Variants in AUTS2 observed in about 807,000 individuals in gnomAD.
AUTS2 encodes the protein autism susceptibility gene 2 protein.
A neutral mutation model predicts 112.4 loss-of-function variants in AUTS2; 17 were observed. The observed-to-expected ratio is 0.15, with a 90% CI of 0.10 to 0.23. The LOEUF is 0.23. Among genes scored for constraint, AUTS2 ranks in the 10% least tolerant of loss-of-function variants. The pLI is 1.00. For missense variants in AUTS2, 1,510 were observed against 1,701.6 expected, an observed-to-expected ratio of 0.89 and a Z score of 1.98; for synonymous variants, 751 against 702.7, an observed-to-expected ratio of 1.07 and a Z score of -1.09.
intron 4 of AUTS2, among the ~76,000 whole-genome samples, chr7:70,177,613 C>T (rs539066181): frequency 6.6e-6 from 1 of 152,212 alleles, no homozygotes; most frequent in South Asian, 2.1e-4. Flanking sequence ...TATTTTACAG[C>T]TAGTGATAAT....
At chr7:69,666,597 A>G (rs1032897310) in intron 1 of AUTS2, among the ~76,000 whole-genome samples, 2 of 152,194 alleles carry the variant, frequency 1.3e-5, no homozygotes, top group African/African-American at 4.8e-5. Context: ...AAGAGGAATC[A>G]TGCGTATGGT....
intron 2 of AUTS2, among the ~76,000 whole-genome samples, chr7:70,035,682 GA>G (rs956955254): frequency 7.7e-4 from 118 of 152,260 alleles, no homozygotes; most frequent in African/African-American, 2.7e-3. Flanking sequence ...CATGAAATAA[GA>G]GAATGGAACC....
intron 4 of AUTS2, among the ~76,000 whole-genome samples, chr7:70,267,886 A>G (rs147663104): frequency 6.6e-6 from 1 of 152,352 alleles, no homozygotes; most frequent in East Asian, 1.9e-4. Flanking sequence ...CACTTGCAAC[A>G]TGCAGACTGT....
intron 2 of AUTS2, among the ~76,000 whole-genome samples, chr7:70,067,907 A>G (rs551884313): frequency 6.6e-6 from 1 of 152,030 alleles, no homozygotes; most frequent in East Asian, 1.9e-4. Context: ...AATACCCAAC[A>G]TCATGCAAAT....
At chr7:70,089,740 G>A (rs1423785498) in intron 2 of AUTS2, among the ~76,000 whole-genome samples, 5 of 152,074 alleles carry the variant, frequency 3.3e-5, no homozygotes, top group Non-Finnish European at 7.3e-5. Context: ...CGGGAGCAGT[G>A]TCTCACGCCT....
At chr7:70,302,171 G>C (rs1037530663) in intron 4 of AUTS2, among the ~76,000 whole-genome samples, 2 of 152,176 alleles carry the variant, frequency 1.3e-5, no homozygotes, top group Admixed American at 6.5e-5. Flanking sequence ...AGCACTTTGG[G>C]AGGCCAACGT....
intron 1 of AUTS2, among the ~76,000 whole-genome samples, chr7:69,725,710 T>C (rs1240694126): frequency 2.0e-5 from 3 of 152,042 alleles, no homozygotes; most frequent in African/African-American, 7.2e-5. Context: ...TGGTCAGACT[T>C]GAGGGGAAGG....
intron 4 of AUTS2, among the ~76,000 whole-genome samples, chr7:70,154,797 T>G (rs1376727692): frequency 6.6e-6 from 1 of 152,214 alleles, no homozygotes; most frequent in Admixed American, 6.5e-5. Context: ...TGGATCAGCC[T>G]CAGAGTGAAA....
intron 1 of AUTS2, among the ~76,000 whole-genome samples, chr7:69,606,460 G>C (rs1792721621): frequency 6.6e-6 from 1 of 152,214 alleles, no homozygotes; most frequent in Non-Finnish European, 1.5e-5. Flanking sequence ...AAGGGTGAAG[G>C]ATGGTGGGTT....
At chr7:70,513,894 A>T (rs1296524240) in intron 5 of AUTS2, among the ~76,000 whole-genome samples, 1 of 152,116 alleles carries the variant, frequency 6.6e-6, no homozygotes, top group Non-Finnish European at 1.5e-5. Flanking sequence ...TCCTGACCTC[A>T]GGTGATTTGC....
chr7:69,747,961 G>C (rs1362161928), intron 1 of AUTS2, among the ~76,000 whole-genome samples: 1 of 151,984 alleles, frequency 6.6e-6, no homozygotes, highest in African/African-American at 2.4e-5. Context: ...GGATGGCTTA[G>C]CATTGTATTT....
intron 4 of AUTS2, among the ~76,000 whole-genome samples, chr7:70,243,732 C>T (rs1427623313): frequency 1.3e-5 from 2 of 152,100 alleles, no homozygotes; most frequent in Non-Finnish European, 2.9e-5. Context: ...CACATTGCTT[C>T]CCTTTGATTC....
At chr7:69,854,573 G>A (rs762774319) in intron 1 of AUTS2, among the ~76,000 whole-genome samples, 6 of 151,956 alleles carry the variant, frequency 3.9e-5, no homozygotes, top group Non-Finnish European at 7.4e-5. Context: ...GCGTGTCTGT[G>A]TGTTTCTTAA....
chr7:69,874,039 G>A (rs1359004454), intron 1 of AUTS2, among the ~76,000 whole-genome samples: 1 of 152,200 alleles, frequency 6.6e-6, no homozygotes, highest in East Asian at 1.9e-4. Context: ...TAGCCAAGCT[G>A]AGAGGCCTGG....
At chr7:70,206,352 A>T (rs566752842) in intron 4 of AUTS2, among the ~76,000 whole-genome samples, 1 of 151,850 alleles carries the variant, frequency 6.6e-6, no homozygotes, top group East Asian at 1.9e-4. Context: ...GGAGAGACAG[A>T]CCTTTTCTAT....
At chr7:70,557,588 A>G (rs1801304046) in intron 5 of AUTS2, among the ~76,000 whole-genome samples, 1 of 152,256 alleles carries the variant, frequency 6.6e-6, no homozygotes, top group South Asian at 2.1e-4. Flanking sequence ...GCCACTGTGT[A>G]GCAGACATGC....
At chr7:69,966,759 C>T (rs1218053377) in intron 2 of AUTS2, among the ~76,000 whole-genome samples, 1 of 152,148 alleles carries the variant, frequency 6.6e-6, no homozygotes, top group African/African-American at 2.4e-5. Context: ...ACCCCTTTCT[C>T]TCTGTTTCTT....
intron 2 of AUTS2, among the ~76,000 whole-genome samples, chr7:70,110,343 C>G (rs911705094): frequency 3.9e-5 from 6 of 152,240 alleles, no homozygotes; most frequent in African/African-American, 1.2e-4. Flanking sequence ...TGGTGAAACC[C>G]TGTCTTTACT....
intron 4 of AUTS2, among the ~76,000 whole-genome samples, chr7:70,282,298 TC>T (rs1788256152): frequency 1.3e-5 from 2 of 152,174 alleles, no homozygotes; most frequent in African/African-American, 4.8e-5. Context: ...AGCAGTACCC[TC>T]CCTTCTTGGT....
Sources: allele counts gnomAD v4.1 joint callset (sites outside exome capture counted in the v4.1 genomes callset), GRCh38; gene constraint gnomAD v4.1.1; transcripts MANE v1.5; gene names NCBI Gene and HGNC (gene_info 2026-07-23, HGNC 2026-07-21).